Variants in ARMC6 observed in about 807,000 individuals in gnomAD.
ARMC6 encodes the protein armadillo repeat-containing protein 6.
Under a neutral mutation model 49.2 loss-of-function variants are expected in ARMC6, and 43 were observed. The ratio of observed to expected loss-of-function variants is 0.87; its 90% CI spans 0.69 to 1.13. The LOEUF is 1.13. Among genes scored for constraint, ARMC6 ranks in the 50% most tolerant of loss-of-function variants. The pLI, the probability that ARMC6 is intolerant of heterozygous loss-of-function variation, is 0.00. For missense variants in ARMC6, 627 were observed against 682.0 expected, an observed-to-expected ratio of 0.92 and a Z score of 0.90; for synonymous variants, 262 against 289.6, an observed-to-expected ratio of 0.90 and a Z score of 0.97.
chr19:19,055,936 G>T lies in ARMC6; in HGVS notation c.1293+8G>T, dbSNP rs768526435. The T allele has an allele frequency of 6.2e-7, 1 of 1,605,264 alleles. No homozygotes were observed. Among genetic ancestry groups the T allele is most frequent in the Non-Finnish European group, 8.5e-7 (1 of 1,178,088 alleles). On this transcript the variant is annotated splice_region_variant and intron_variant, in intron 8 of 8. Coordinates refer to ENST00000535612, the MANE Select transcript of ARMC6 (RefSeq NM_001199196.2). This position sits in a 1 kb window ranked among gnomAD's most constrained non-coding sequence, Gnocchi z 5.7. ...CAGAAGGCCGGCGTGCAGGTGGGCA[G>T]GGCAGGGGATGGGGGCAGGCAGGCT...
In ARMC6 at chr19:19,051,813, G is replaced by T; in HGVS notation, c.471G>T (p.Gln157His). 6.2e-7 allele frequency: 1 copy of T among 1,614,092 alleles called. No homozygotes were observed. Among genetic ancestry groups the T allele is most frequent in the Non-Finnish European group, 8.5e-7 (1 of 1,180,024 alleles). Residue 157 changes from glutamine to histidine, a missense_variant, in exon 5 of 9, where the codon CAG becomes CAT. Transcript: ENST00000535612. ...ATAGDQGLLL[Q>H]SLNALSVLTD... is the part of the protein sequence containing the mutation. ...CAGGTGACCAGGGCCTTCTGCTCCA[G>T]TCCCTCAATGCCCTGTCGGTGCTGA...
intron 2 of ARMC6, among the ~76,000 whole-genome samples, 199 bp downstream of exon 2, chr19:19,034,437 G>C (rs1388842518): frequency 6.6e-6 from 1 of 152,158 alleles, no homozygotes; most frequent in Non-Finnish European, 1.5e-5. Context: ...AGCCACTACC[G>C]GGCTTTGAGC....
At chr19:19,046,990 G>A (rs1302913355) in intron 4 of ARMC6, among the ~76,000 whole-genome samples, 2 of 115,062 alleles carry the variant, frequency 1.7e-5, no homozygotes, top group Non-Finnish European at 3.3e-5. Context: ...CTCTCACTCT[G>A]TCACCCATGC....
chr19:19,041,551 G>C (rs1156392171), intron 2 of ARMC6, among the ~76,000 whole-genome samples: 2 of 152,132 alleles, frequency 1.3e-5, no homozygotes, highest in African/African-American at 4.8e-5. Flanking sequence ...ATTTCACCAT[G>C]CTGGCCAGGC....
rs2059320940 is a variant in ARMC6, at chr19:19,034,378, AGAG to A, written c.29+141_29+143del. 9.9e-6 allele frequency: 11 copies of A among 1,107,982 alleles called. No homozygotes were observed. The South Asian group carries it at 1.6e-4, about 16-fold the overall frequency. 68.6% of individuals were successfully genotyped at this position (1,107,982 alleles called of 1,614,324 possible). A position where few individuals can be genotyped will look rare whatever the true frequency, so the allele number is the denominator to read the frequency against. ...GAAGAGGAACTTGGAAGGCTTAGAT[AGAG>A]AAGGTGCGGATAAGGAGGCTGGGTT... On this transcript the variant is annotated intron_variant, in intron 2 of 8. Coordinates refer to ENST00000535612, the MANE Select transcript of ARMC6 (RefSeq NM_001199196.2).
chr19:19,044,114 T>A (rs768133148), intron 4 of ARMC6, 40 bp downstream of exon 4: 1 of 1,570,104 alleles, frequency 6.4e-7, no homozygotes, highest in South Asian at 1.1e-5. Flanking sequence ...CTGCGTCACC[T>A]CTGTCTGGGG....
At chr19:19,037,412 T>G (rs1319355480) in intron 2 of ARMC6, 1 of 278,940 alleles carries the variant, frequency 3.6e-6, no homozygotes, top group African/African-American at 2.4e-5. Flanking sequence ...GGTCTTACTT[T>G]GTCACCCAGG....
chr19:19,051,791 G>A lies in ARMC6; in HGVS notation c.449G>A (p.Gly150Asp), dbSNP rs1260620696. ...ACTGCCTGGAAGCTGGCCACTGCAG[G>A]TGACCAGGGCCTTCTGCTCCAGTCC... ...IFTAWKLATA[G>D]DQGLLLQSLN... Residue 150 changes from glycine (G) to aspartate (D), a missense_variant, in exon 5 of 9, where the codon GGT (glycine) becomes GAT (aspartate). Physicochemically the swap from Gly to Asp is moderately conservative, Grantham distance 94 (BLOSUM62 -1). Coordinates refer to ENST00000535612, the MANE Select transcript of ARMC6 (RefSeq NM_001199196.2). The A allele has an allele frequency of 1.2e-6, 2 of 1,614,098 alleles. No homozygotes were observed. The highest frequency in any genetic ancestry group is 2.2e-5 in the East Asian group (1 of 44,888).
chr19:19,045,849 C>A (rs1444871806), intron 4 of ARMC6, among the ~76,000 whole-genome samples: 1 of 152,084 alleles, frequency 6.6e-6, no homozygotes, highest in South Asian at 2.1e-4. Context: ...GACGAGGTTT[C>A]ACCATGTTAG....
chr19:19,046,927 G>GTT (rs386388691), intron 4 of ARMC6, among the ~76,000 whole-genome samples: 14,572 of 104,192 alleles, frequency 0.14, 1,308 homozygotes, highest in Middle Eastern at 0.28. Context: ...ATGCTCACCT[G>GTT]TTTTTTTTTT....
intron 2 of ARMC6, among the ~76,000 whole-genome samples, chr19:19,035,921 A>C (rs1008903924): frequency 2.0e-4 from 31 of 152,212 alleles, no homozygotes; most frequent in African/African-American, 7.5e-4. Context: ...AGATGGTCAC[A>C]GGTAGAGACA....
chr19:19,044,210 CAG>C, intron 4 of ARMC6, 136 bp downstream of exon 4: 1 of 864,272 alleles, frequency 1.2e-6, no homozygotes. Flanking sequence ...CTTGAGTTTG[CAG>C]CCAGGTCTCC....
In ARMC6 at chr19:19,042,774, T is replaced by C; in HGVS notation, c.93T>C (p.Ile31=). The C allele has an allele frequency of 6.2e-7, 1 of 1,613,974 alleles. No individual in the cohort carries two copies. The highest frequency in any genetic ancestry group is 8.5e-7 in the Non-Finnish European group (1 of 1,180,034). ...STQAKMVSKR[I]AQETFDAAVR... Reference sequence around the variant, plus strand: ...AGGCGAAGATGGTCTCCAAGCGCATTGCCCAGGAGACCTTTGATGCAGCTG... The same window carrying C: ...AGGCGAAGATGGTCTCCAAGCGCATCGCCCAGGAGACCTTTGATGCAGCTG... Residue 31 remains isoleucine (I), a synonymous_variant, in exon 3 of 9, where the codon ATT becomes ATC. Coordinates refer to ENST00000535612, the MANE Select transcript of ARMC6 (RefSeq NM_001199196.2).
In ARMC6 at chr19:19,055,947, G is replaced by C; in HGVS notation, c.1293+19G>C. The stretch of plus-strand genomic sequence containing the variant: ...CGTGCAGGTGGGCAGGGCAGGGGAT[G>C]GGGGCAGGCAGGCTGGTGTGGGATG... On this transcript the variant is annotated intron_variant, in intron 8 of 8. Coordinates refer to ENST00000535612, the MANE Select transcript of ARMC6 (RefSeq NM_001199196.2). The surrounding 1 kb of genome is among the most constrained non-coding windows in gnomAD (Gnocchi z 5.7). 1 of 1,600,892 alleles carries C rather than the reference G, an allele frequency of 6.2e-7. No homozygotes were observed. The highest frequency in any genetic ancestry group is 8.5e-7 in the Non-Finnish European group (1 of 1,176,870).
intron 2 of ARMC6, among the ~76,000 whole-genome samples, chr19:19,036,338 A>C (rs2059367635): frequency 6.6e-6 from 1 of 152,210 alleles, no homozygotes; most frequent in African/African-American, 2.4e-5. Context: ...CTGGGATTAC[A>C]GGCATGAGCC....
In ARMC6 at chr19:19,045,490, A is replaced by ATTTTTTTTTTTTTTTT. The variant is rs1355279150; in HGVS notation, c.279+1418_279+1419insTTTTTTTTTTTTTTTT. 3.5e-4 allele frequency among the ~76,000 whole-genome samples: 10 copies of ATTTTTTTTTTTTTTTT among 28,200 alleles called. 1 individual carries two copies. The highest frequency in any genetic ancestry group is 4.2e-4 in the African/African-American group (3 of 7,206). The allele number at this position is 28,200 out of a possible 152,430, so 18.5% of individuals were successfully genotyped here. On this transcript the variant is annotated intron_variant, in intron 4 of 8. Transcript: ENST00000535612. Reference sequence around the variant, plus strand: ...TCTTAAGTGCTCAGCATTATGCTAAATTCTTTTTTTTTTTGAGACAAGAGT... The same window carrying ATTTTTTTTTTTTTTTT: ...TCTTAAGTGCTCAGCATTATGCTAAATTTTTTTTTTTTTTTTTTCTTTTTTTTTTTGAGACAAGAGT...
At chr19:19,037,309 A>T (rs2059378697) in intron 2 of ARMC6, among the ~76,000 whole-genome samples, 1 of 151,448 alleles carries the variant, frequency 6.6e-6, no homozygotes, top group South Asian at 2.1e-4. Context: ...AGGAACACAG[A>T]TGGAATGTGT....
chr19:19,045,950 C>T (rs542854338), intron 4 of ARMC6, among the ~76,000 whole-genome samples: 62 of 152,032 alleles, frequency 4.1e-4, no homozygotes, highest in Non-Finnish European at 7.2e-4. Context: ...TATGCCCGGC[C>T]TATTATGCTA....
intron 4 of ARMC6, among the ~76,000 whole-genome samples, chr19:19,044,553 C>T (rs1038494273): frequency 2.0e-5 from 3 of 152,250 alleles, no homozygotes; most frequent in Non-Finnish European, 4.4e-5. Context: ...CAGGAGCTGG[C>T]ACTTAACCTC....
Sources: gnomAD v4.1 joint callset for allele counts (sites outside exome capture counted in the v4.1 genomes callset) on GRCh38, gnomAD v4.1.1 for gene constraint, Gnocchi (gnomAD v3.1) non-coding constraint, MANE v1.5 for transcripts, NCBI Gene and HGNC (gene_info 2026-07-23, HGNC 2026-07-21) for gene names.